Variants in STRA8 observed in about 807,000 individuals in gnomAD.
STRA8 encodes the protein stimulated by retinoic acid gene 8 protein homolog.
Under a neutral mutation model 37.1 loss-of-function variants are expected in STRA8, and 18 were observed. That is an observed-to-expected ratio of 0.48 (90% CI 0.34 to 0.72). STRA8 has a LOEUF of 0.72. STRA8 is among the 30% of genes least tolerant of loss of function. STRA8 has a pLI of 0.01. For synonymous variants in STRA8, 168 were observed against 162.9 expected, an observed-to-expected ratio of 1.03 and a Z score of -0.24; for missense variants, 357 against 410.4, an observed-to-expected ratio of 0.87 and a Z score of 1.13.
chr7:135,253,470 G>A (rs1325419665), intron 7 of STRA8, among the ~76,000 whole-genome samples: 1 of 152,194 alleles, frequency 6.6e-6, no homozygotes, highest in Non-Finnish European at 1.5e-5. Context: ...GGGGCACAGA[G>A]AATAAGGGCC....
At chr7:135,239,925 G>C (rs1309162670) in intron 1 of STRA8, among the ~76,000 whole-genome samples, 1 of 151,962 alleles carries the variant, frequency 6.6e-6, no homozygotes, top group East Asian at 1.9e-4. Context: ...AAAAATTCTC[G>C]AGTCTAAAGT....
intron 8 of STRA8, among the ~76,000 whole-genome samples, chr7:135,255,835 C>G (rs797009069): frequency 6.6e-6 from 1 of 152,228 alleles, no homozygotes; most frequent in Non-Finnish European, 1.5e-5. Flanking sequence ...AGCAGGAACC[C>G]GATCCCAGGG....
In STRA8 at chr7:135,246,932, G is replaced by C. The variant is rs189015194; in HGVS notation, c.879+230G>C. ...CGATCTCGGCTCACTGCAAGCTCTG[G>C]CTCCCGGGTTCACCTCATTCTCCTG... On this transcript the variant is annotated intron_variant, in intron 6 of 8. Transcript: ENST00000662584. The surrounding 1 kb of genome is among the most constrained non-coding windows in gnomAD (Gnocchi z 5.4). The C allele has an allele frequency of 5.5e-3, 2,709 of 491,672 alleles. 67 individuals are homozygous for C. Among genetic ancestry groups the C allele is most frequent in the African/African-American group, 0.051 (2,489 of 48,680 alleles). The allele number at this position is 491,672 out of a possible 1,614,324, so 30.5% of individuals were successfully genotyped here. A position where few individuals can be genotyped will look rare whatever the true frequency, so the allele number is the denominator to read the frequency against.
intron 7 of STRA8, among the ~76,000 whole-genome samples, chr7:135,252,965 C>G (rs905808472): frequency 1.3e-5 from 2 of 151,934 alleles, no homozygotes; most frequent in Admixed American, 6.6e-5. Flanking sequence ...GACAGAGTCT[C>G]ACTCTGTCAC....
rs770370441 is a variant in STRA8, at chr7:135,242,807, T to A, written c.219T>A (p.Ser73Arg). 3 of 1,614,046 alleles carry A rather than the reference T, an allele frequency of 1.9e-6. No individual in the cohort carries two copies. Residue 73 changes from serine to arginine, a missense_variant, in exon 3 of 9, where the codon AGT (serine) becomes AGA (arginine). Physicochemically the swap from Ser to Arg is moderately radical, Grantham distance 110. Coordinates refer to ENST00000662584, the MANE Select transcript of STRA8 (RefSeq NM_001394401.1). Reference sequence around the variant, plus strand: ...GGCAGGTTCTGAATAAGGCAAAGAGTCATATTCCAGAACTGGAGCAAACCC... The same window carrying A: ...GGCAGGTTCTGAATAAGGCAAAGAGACATATTCCAGAACTGGAGCAAACCC... ...SKWQVLNKAK[S>R]HIPELEQTLD...
chr7:135,254,931 G>A (rs1832684047), intron 7 of STRA8, among the ~76,000 whole-genome samples, 183 bp from the exon 8 acceptor site: 1 of 152,146 alleles, frequency 6.6e-6, no homozygotes, highest in South Asian at 2.1e-4. Flanking sequence ...GATTTTCCAG[G>A]GGATTCCAGA....
In STRA8 at chr7:135,240,583, C is replaced by A; in HGVS notation, c.59C>A (p.Ala20Glu). 6.2e-7 allele frequency: 1 copy of A among 1,614,214 alleles called. No individual in the cohort carries two copies. The highest frequency in any genetic ancestry group is 8.5e-7 in the Non-Finnish European group (1 of 1,180,036). Residue 20 changes from alanine (A) to glutamate (E), a missense_variant, in exon 2 of 9, where the codon GCA becomes GAA. Ala to Glu is a moderately radical substitution (Grantham distance 107). Transcript: ENST00000662584. ...PHDRATPQLP[A>E]QLQELEHRVA... is the part of the protein sequence containing the mutation. ...GACAGAGCAACACCCCAGCTGCCAG[C>A]ACAGCTGCAGGAGCTTGAGCATCGG...
rs758427943 is a variant in STRA8 at position 135,258,406 on chromosome 7, T to C, written c.1066-12T>C. 1.8e-5 allele frequency: 28 copies of C among 1,594,338 alleles called. No homozygotes were observed. Among genetic ancestry groups the C allele is most frequent in the Non-Finnish European group, 2.4e-5 (28 of 1,169,476 alleles). On this transcript the variant is annotated splice_polypyrimidine_tract_variant and intron_variant, in intron 8 of 8. Coordinates refer to ENST00000662584, the MANE Select transcript of STRA8 (RefSeq NM_001394401.1). The stretch of plus-strand genomic sequence containing the variant: ...GATAAAAAGTGACCCTCTTCCACCC[T>C]GTGTCTTGCAGGAAGCATCCTTTCC...
intron 1 of STRA8, among the ~76,000 whole-genome samples, chr7:135,238,279 G>T (rs1832408766): frequency 6.6e-6 from 1 of 152,204 alleles, no homozygotes; most frequent in African/African-American, 2.4e-5. Flanking sequence ...CACGGCTCCA[G>T]GCAGCTTGGC....
In STRA8 at chr7:135,235,947, G is replaced by GA. The variant is rs147221650; in HGVS notation, c.-7+2049dup. Among the ~76,000 whole-genome samples the GA allele has an allele frequency of 4.7e-3, 718 of 151,444 alleles. 6 individuals are homozygous for GA. The highest frequency in any genetic ancestry group is 0.017 in the African/African-American group (685 of 41,244). ...AACATAGTGAGACCCTGTCTCTACAGAAAAATTAACCAGGCCCAGTGGTGC... is the reference window on the plus strand; with the variant it reads ...AACATAGTGAGACCCTGTCTCTACAGAAAAAATTAACCAGGCCCAGTGGTGC... On this transcript the variant is annotated intron_variant, in intron 1 of 8. Coordinates refer to ENST00000662584, the MANE Select transcript of STRA8 (RefSeq NM_001394401.1).
chr7:135,246,148 T>C lies in STRA8; in HGVS notation c.594-269T>C. ...AGCTGAGGCAGCTACGCCTCTTATC[T>C]GCTTCTGTCTAACACAGAAGGCTTC... On this transcript the variant is annotated intron_variant, in intron 5 of 8. Coordinates refer to ENST00000662584, the MANE Select transcript of STRA8 (RefSeq NM_001394401.1). This position sits in a 1 kb window ranked among gnomAD's most constrained non-coding sequence, Gnocchi z 5.4. The C allele has an allele frequency of 1.9e-6, 1 of 527,834 alleles. No individual in the cohort carries two copies. Among genetic ancestry groups the C allele is most frequent in the Non-Finnish European group, 3.4e-6 (1 of 295,566 alleles). The allele number at this position is 527,834 out of a possible 1,614,324, so 32.7% of individuals were successfully genotyped here. A position where few individuals can be genotyped will look rare whatever the true frequency, so the allele number is the denominator to read the frequency against.
At chr7:135,241,640 G>A (rs1832466055) in intron 2 of STRA8, among the ~76,000 whole-genome samples, 1 of 152,134 alleles carries the variant, frequency 6.6e-6, no homozygotes, top group South Asian at 2.1e-4. Flanking sequence ...CCTGCTCCAT[G>A]GAATCTTCTG....
intron 5 of STRA8, among the ~76,000 whole-genome samples, 163 bp downstream of exon 5, chr7:135,245,690 G>C (rs988596361): frequency 3.3e-5 from 5 of 152,140 alleles, no homozygotes; most frequent in African/African-American, 9.7e-5. Context: ...TTTTCATATG[G>C]GAGGGGCTGA....
Position 135,246,807 on chromosome 7 carries a change from C to T in STRA8, c.879+105C>T, listed in dbSNP as rs1247951222. ...TTTAGCAGGTTGGAGGTGCAGTTTG[C>T]CTTCTGGCTCCCAAGGTCGGTTTCT... On this transcript the variant is annotated intron_variant, in intron 6 of 8. Coordinates refer to ENST00000662584, the MANE Select transcript of STRA8 (RefSeq NM_001394401.1). The surrounding 1 kb of genome is among the most constrained non-coding windows in gnomAD (Gnocchi z 5.4). 1 of 1,185,458 alleles carries T rather than the reference C, an allele frequency of 8.4e-7. No homozygotes were observed. Among genetic ancestry groups the T allele is most frequent in the Non-Finnish European group, 1.1e-6 (1 of 883,118 alleles). The allele number at this position is 1,185,458 out of a possible 1,614,324, so 73.4% of individuals were successfully genotyped here.
chr7:135,256,260 G>A (rs746018199), intron 8 of STRA8, among the ~76,000 whole-genome samples: 2 of 152,190 alleles, frequency 1.3e-5, no homozygotes, highest in African/African-American at 2.4e-5. Context: ...TTCCAACTAA[G>A]TCTTCATTTC....
intron 7 of STRA8, among the ~76,000 whole-genome samples, chr7:135,254,147 G>C (rs1461295540): frequency 6.6e-6 from 1 of 152,156 alleles, no homozygotes; most frequent in Non-Finnish European, 1.5e-5. Context: ...GCTGCAATTG[G>C]CTGGAAGACA....
chr7:135,255,329 G>A, intron 8 of STRA8, 104 bp downstream of exon 8: 2 of 814,450 alleles, frequency 2.5e-6, no homozygotes, highest in Non-Finnish European at 4.1e-6. Flanking sequence ...ATCATACCAT[G>A]AGGAGCCACT....
intron 1 of STRA8, among the ~76,000 whole-genome samples, chr7:135,234,921 G>A (rs534714766): frequency 6.6e-6 from 1 of 152,324 alleles, no homozygotes; most frequent in East Asian, 1.9e-4. Context: ...CTGTCACCCA[G>A]ACTGGAGTGC....
Position 135,258,403 on chromosome 7 carries a change from C to T in STRA8, c.1066-15C>T. On this transcript the variant is annotated splice_polypyrimidine_tract_variant and intron_variant, in intron 8 of 8. Coordinates refer to ENST00000662584, the MANE Select transcript of STRA8 (RefSeq NM_001394401.1). ...ACAGATAAAAAGTGACCCTCTTCCA[C>T]CCTGTGTCTTGCAGGAAGCATCCTT... The T allele has an allele frequency of 6.3e-7, 1 of 1,592,386 alleles. No homozygotes were observed. Among genetic ancestry groups the T allele is most frequent in the Non-Finnish European group, 8.6e-7 (1 of 1,168,300 alleles).
Sources: gnomAD v4.1 joint callset for allele counts (sites outside exome capture counted in the v4.1 genomes callset) on GRCh38, gnomAD v4.1.1 for gene constraint, Gnocchi (gnomAD v3.1) non-coding constraint, MANE v1.5 for transcripts, NCBI Gene and HGNC (gene_info 2026-07-23, HGNC 2026-07-21) for gene names.